The following PPP2R5A variants were observed in gnomAD, a reference collection of about 807,000 sequenced individuals.
PPP2R5A encodes protein phosphatase 2 regulatory subunit B'alpha.
Under a neutral mutation model 64.2 loss-of-function variants are expected in PPP2R5A, and 25 were observed. The observed-to-expected ratio is 0.39, with a 90% CI of 0.28 to 0.54. PPP2R5A has a LOEUF of 0.54. PPP2R5A is among the 20% of genes least tolerant of loss of function. The probability of loss-of-function intolerance (pLI) is 0.67; values close to 1 mark genes in which losing one functional copy is unlikely to be tolerated. For synonymous variants in PPP2R5A, 198 were observed against 201.2 expected (o/e 0.98, Z 0.13); for missense variants, 425 against 576.3 (o/e 0.74, Z 2.69).
At chr1:212,341,509 G>GGT (rs1362439105) in intron 3 of PPP2R5A, among the ~76,000 whole-genome samples, 3 of 152,114 alleles carry the variant, frequency 2.0e-5, no homozygotes, top group Non-Finnish European at 4.4e-5. Flanking sequence ...ATTAAATTGA[G>GGT]GTAGGTAGTA....
chr1:212,353,574 T>C (rs1457305360), intron 8 of PPP2R5A, among the ~76,000 whole-genome samples: 6 of 152,342 alleles, frequency 3.9e-5, no homozygotes, highest in African/African-American at 9.6e-5. Context: ...AAAATCCATA[T>C]ATACATGAGT....
Position 212,347,746 on chromosome 1 carries a change from G to A in PPP2R5A, c.764+340G>A, listed in dbSNP as rs568463027. On this transcript the variant is annotated intron_variant, in intron 6 of 12. Coordinates refer to ENST00000261461, the MANE Select transcript of PPP2R5A (RefSeq NM_006243.4). ...TTTTTAGTAGCGATGGGGTTTCACC[G>A]TGTTGGCCAGGCTGGTCTTGAACTC... Among the ~76,000 whole-genome samples, 8 of 152,042 alleles carry A rather than the reference G, an allele frequency of 5.3e-5. 1 individual carries two copies. In the South Asian group the frequency reaches 6.2e-4, roughly 12 times the overall value.
In PPP2R5A at chr1:212,333,482, A is replaced by T; in HGVS notation, c.379-15A>T. 1.4e-6 allele frequency: 2 copies of T among 1,453,130 alleles called. No homozygotes were observed. The highest frequency in any genetic ancestry group is 1.4e-5 in the African/African-American group (1 of 69,150). The allele number at this position is 1,453,130 out of a possible 1,614,324, so 90.0% of individuals were successfully genotyped here. On this transcript the variant is annotated splice_polypyrimidine_tract_variant and intron_variant, in intron 2 of 12. Coordinates refer to ENST00000261461, the MANE Select transcript of PPP2R5A (RefSeq NM_006243.4). ...CACATACAACAACGAACGTAAAATT[A>T]TTTTTTCTTTACAGATCAGTGCTAA...
intron 1 of PPP2R5A, among the ~76,000 whole-genome samples, chr1:212,286,654 C>A (rs989399465): frequency 6.6e-6 from 1 of 152,182 alleles, no homozygotes; most frequent in Admixed American, 6.5e-5. Flanking sequence ...TTAACAACCG[C>A]ACGAACCTTC....
chr1:212,288,436 A>T (rs1658543997), intron 1 of PPP2R5A, among the ~76,000 whole-genome samples: 1 of 152,248 alleles, frequency 6.6e-6, no homozygotes, highest in South Asian at 2.1e-4. Context: ...TAAAGAAGAA[A>T]GTAAATTGGA....
In PPP2R5A at chr1:212,360,974, T is replaced by A. The variant is rs1660070614; in HGVS notation, c.*204T>A. The A allele has an allele frequency of 5.6e-6, 2 of 356,042 alleles. No individual in the cohort carries two copies. The highest frequency in any genetic ancestry group is 1.0e-5 in the Non-Finnish European group (2 of 197,886). 22.1% of individuals were successfully genotyped at this position (356,042 alleles called of 1,614,324 possible). A position where few individuals can be genotyped will look rare whatever the true frequency, so the allele number is the denominator to read the frequency against. ...TATATTGTAACCTTTGTCTAATCATTGGATTTATTGTGTCACTTCTGAAGT... is the reference window on the plus strand; with the variant it reads ...TATATTGTAACCTTTGTCTAATCATAGGATTTATTGTGTCACTTCTGAAGT... On this transcript the variant is annotated 3_prime_UTR_variant, in exon 13 of 13. Transcript: ENST00000261461.
At chr1:212,322,242 GA>G in intron 1 of PPP2R5A, among the ~76,000 whole-genome samples, 1 of 133,248 alleles carries the variant, frequency 7.5e-6, no homozygotes, top group Non-Finnish European at 1.6e-5. Context: ...GGGAGAGGGA[GA>G]GGAGGGAGAG....
intron 2 of PPP2R5A, among the ~76,000 whole-genome samples, chr1:212,329,670 G>A (rs747363258): frequency 3.3e-5 from 5 of 152,008 alleles, no homozygotes; most frequent in South Asian, 2.1e-4. Flanking sequence ...TTTTTGAGAC[G>A]GAGTCTTGCT....
chr1:212,308,475 C>T (rs977040537), intron 1 of PPP2R5A, among the ~76,000 whole-genome samples: 6 of 145,676 alleles, frequency 4.1e-5, no homozygotes, highest in African/African-American at 1.3e-4. Context: ...GTGGCATGAT[C>T]TTGGCTCACT....
intron 1 of PPP2R5A, among the ~76,000 whole-genome samples, chr1:212,286,907 G>A (rs1178053781): frequency 6.6e-6 from 1 of 152,200 alleles, no homozygotes; most frequent in African/African-American, 2.4e-5. Flanking sequence ...TTATTCACAG[G>A]ATCGTTAGCT....
At chr1:212,326,470 G>A (rs1659409566) in intron 1 of PPP2R5A, among the ~76,000 whole-genome samples, 1 of 152,006 alleles carries the variant, frequency 6.6e-6, no homozygotes, top group African/African-American at 2.4e-5. Context: ...GGTGGTGCAG[G>A]CCTGTAATCC....
intron 1 of PPP2R5A, among the ~76,000 whole-genome samples, chr1:212,317,042 T>C (rs1277310478): frequency 1.3e-5 from 2 of 152,220 alleles, no homozygotes; most frequent in Non-Finnish European, 2.9e-5. Flanking sequence ...TCACTAGATA[T>C]TTCTTAATCT....
chr1:212,310,383 A>G (rs1021207979), intron 1 of PPP2R5A, among the ~76,000 whole-genome samples: 77 of 152,036 alleles, frequency 5.1e-4, no homozygotes, highest in African/African-American at 1.8e-3. Context: ...ATCTTTCACC[A>G]AAACCTCCAC....
rs1259973384 is a variant in PPP2R5A, at chr1:212,348,001, T to A, written c.765-388T>A. 2.6e-5 allele frequency among the ~76,000 whole-genome samples: 4 copies of A among 152,216 alleles called. No individual in the cohort carries two copies. In the East Asian group the frequency reaches 5.8e-4, roughly 22 times the overall value. Reference sequence around the variant, plus strand: ...GAAAATGATTGTGGAGAGAACTACTTCTTTCACGTTATCCAACAAAGTAAG... The same window carrying A: ...GAAAATGATTGTGGAGAGAACTACTACTTTCACGTTATCCAACAAAGTAAG... On this transcript the variant is annotated intron_variant, in intron 6 of 12. Coordinates refer to ENST00000261461, the MANE Select transcript of PPP2R5A (RefSeq NM_006243.4).
chr1:212,340,987 G>C (rs939697932), intron 3 of PPP2R5A, among the ~76,000 whole-genome samples: 73 of 152,060 alleles, frequency 4.8e-4, no homozygotes, highest in African/African-American at 1.7e-3. Context: ...TTTTTGCTTT[G>C]GGATAGAATC....
At chr1:212,341,019 G>A (rs966273843) in intron 3 of PPP2R5A, among the ~76,000 whole-genome samples, 4 of 152,048 alleles carry the variant, frequency 2.6e-5, no homozygotes, top group Admixed American at 1.3e-4. Context: ...TTTTTAGGGT[G>A]TTAAATTGAT....
At chr1:212,338,589 C>T (rs1375265888) in intron 3 of PPP2R5A, among the ~76,000 whole-genome samples, 1 of 151,972 alleles carries the variant, frequency 6.6e-6, no homozygotes, top group African/African-American at 2.4e-5. Context: ...GAGTTCGAGA[C>T]CAGCCTGAAC....
chr1:212,354,003 T>A (rs58961370), intron 8 of PPP2R5A, among the ~76,000 whole-genome samples: 10,270 of 151,622 alleles, frequency 0.068, 1,131 homozygotes, highest in African/African-American at 0.23. Context: ...GCTAACACAG[T>A]GAAACCCCGT....
rs1340607208 is a variant in PPP2R5A at position 212,361,623 on chromosome 1, G to A, written c.*853G>A. 6.5e-6 allele frequency: 1 copy of A among 152,692 alleles called. No individual in the cohort carries two copies. The highest frequency in any genetic ancestry group is 2.4e-5 in the African/African-American group (1 of 41,460). 9.5% of individuals were successfully genotyped at this position (152,692 alleles called of 1,614,324 possible). On this transcript the variant is annotated 3_prime_UTR_variant, in exon 13 of 13. Transcript: ENST00000261461. ...AGTGTGGTGATACAGAGCACTAGTT[G>A]TCACTGCCTGGCTTTATTTAAAGGA...
Sources: gnomAD v4.1 joint callset for allele counts (sites outside exome capture counted in the v4.1 genomes callset) on GRCh38, gnomAD v4.1.1 for gene constraint, MANE v1.5 for transcripts, NCBI Gene and HGNC (gene_info 2026-07-23, HGNC 2026-07-21) for gene names.